Variants in ZMIZ1 observed in about 807,000 individuals in gnomAD.
ZMIZ1 encodes zinc finger MIZ domain-containing protein 1.
In ZMIZ1, 17 loss-of-function variants were observed where a neutral mutation model predicts 113.9. That is an observed-to-expected ratio of 0.15 (90% CI 0.10 to 0.22). The LOEUF (loss-of-function observed/expected upper bound fraction) is 0.22, where lower values mean the gene tolerates loss of function less well. Among genes scored for constraint, ZMIZ1 ranks in the 10% least tolerant of loss-of-function variants. ZMIZ1 has a pLI of 1.00. For missense variants in ZMIZ1, 1,059 were observed against 1,477.8 expected, an observed-to-expected ratio of 0.72 and a Z score of 4.65; for synonymous variants, 607 against 603.1, an observed-to-expected ratio of 1.01 and a Z score of -0.09.
chr10:79,073,589 C>T (rs576840834), intron 1 of ZMIZ1, among the ~76,000 whole-genome samples: 57 of 152,326 alleles, frequency 3.7e-4, no homozygotes, highest in Middle Eastern at 3.4e-3. Context: ...ACCATAGACT[C>T]GTTCTTTCCT....
At chr10:79,090,811 T>G (rs1276750542) in intron 1 of ZMIZ1, among the ~76,000 whole-genome samples, 1 of 152,234 alleles carries the variant, frequency 6.6e-6, no homozygotes, top group Non-Finnish European at 1.5e-5. Context: ...GCCAGGGATG[T>G]ATGTGCCCAG....
intron 1 of ZMIZ1, among the ~76,000 whole-genome samples, chr10:79,070,239 G>A (rs1842217879): frequency 6.6e-6 from 1 of 152,026 alleles, no homozygotes; most frequent in African/African-American, 2.4e-5. Context: ...GGCGTCTAGG[G>A]CGCGGGCAGC....
chr10:79,239,140 T>C (rs1849708882), intron 7 of ZMIZ1, among the ~76,000 whole-genome samples: 1 of 151,396 alleles, frequency 6.6e-6, no homozygotes, highest in Admixed American at 6.6e-5. Flanking sequence ...CATGAGAGTT[T>C]ATGCCCTGAC....
In ZMIZ1 at chr10:79,267,228, G is replaced by C. The variant is rs533779625; in HGVS notation, c.281-9953G>C. On this transcript the variant is annotated intron_variant, in intron 7 of 24. Transcript: ENST00000334512. ...TGCTAGGGGAGCACCCAGTCCAGTA[G>C]GGAAGGGGGCACTGTCTGCCCCAGG... is the stretch of plus-strand genomic sequence containing the variant. Among the ~76,000 whole-genome samples, 8 of 152,344 alleles carry C rather than the reference G, an allele frequency of 5.3e-5. No individual in the cohort carries two copies. The East Asian group carries it at 1.5e-3, about 29-fold the overall frequency.
chr10:79,218,759 G>A (rs1848842486), intron 7 of ZMIZ1, among the ~76,000 whole-genome samples: 1 of 152,154 alleles, frequency 6.6e-6, no homozygotes, highest in Non-Finnish European at 1.5e-5. Flanking sequence ...TGAAGAAAAA[G>A]AGAAAGAGCG....
rs368649619 is a variant in ZMIZ1 at position 79,150,261 on chromosome 10, C to T, written c.-131+10484C>T. On this transcript the variant is annotated intron_variant, in intron 3 of 24. Transcript: ENST00000334512. ...CCCAGACACCACCTTTGCCCCACCC[C>T]GTATTCTCTACGGCTGGCACTTCTC... Among the ~76,000 whole-genome samples the T allele has an allele frequency of 1.1e-4, 16 of 152,358 alleles. 1 individual carries two copies. The highest frequency in any genetic ancestry group is 9.6e-4 in the East Asian group (5 of 5,186).
chr10:79,247,255 C>T (rs1850262303), intron 7 of ZMIZ1, among the ~76,000 whole-genome samples: 1 of 152,208 alleles, frequency 6.6e-6, no homozygotes, highest in Non-Finnish European at 1.5e-5. Context: ...GTTTCCAGTC[C>T]TCTAGAGGGA....
intron 7 of ZMIZ1, among the ~76,000 whole-genome samples, chr10:79,227,380 GC>G (rs1360187716): frequency 6.6e-6 from 1 of 152,198 alleles, no homozygotes; most frequent in East Asian, 1.9e-4. Context: ...TTTTCCAGAA[GC>G]CATTCAGCTG....
At chr10:79,293,780 G>A (rs552394474) in intron 12 of ZMIZ1, 127 bp downstream of exon 12, 2 of 1,426,578 alleles carry the variant, frequency 1.4e-6, no homozygotes, top group South Asian at 1.2e-5. Context: ...AGAGGCAGGG[G>A]CTTAGGGGTC....
intron 4 of ZMIZ1, among the ~76,000 whole-genome samples, chr10:79,168,823 G>A (rs112986652): frequency 1.3e-4 from 20 of 152,280 alleles, no homozygotes; most frequent in East Asian, 9.7e-4. Flanking sequence ...ACAGGTGTCC[G>A]TCCACCCTGG....
intron 8 of ZMIZ1, among the ~76,000 whole-genome samples, chr10:79,277,572 C>T (rs1042185858): frequency 2.0e-5 from 3 of 152,216 alleles, no homozygotes; most frequent in African/African-American, 4.8e-5. Flanking sequence ...TCTGGCAGAA[C>T]GTTAGAAATT....
intron 23 of ZMIZ1, among the ~76,000 whole-genome samples, chr10:79,310,638 C>G (rs961873347): frequency 6.6e-6 from 1 of 152,050 alleles, no homozygotes; most frequent in African/African-American, 2.4e-5. Context: ...GGAGCCCAGG[C>G]CCAGCTCCCC....
At position 79,266,852 on chromosome 10, in the gene ZMIZ1, A is replaced by G. The variant is rs139155458; in HGVS notation, c.281-10329A>G. On this transcript the variant is annotated intron_variant, in intron 7 of 24. Transcript: ENST00000334512. ...CAGCCTCCAGCCGGGCAGAGTAACA[A>G]TTCTGCGGCTAGTTCTGTTCTCAGG... Among the ~76,000 whole-genome samples, 216 of 152,308 alleles carry G rather than the reference A, an allele frequency of 1.4e-3. 4 individuals are homozygous for G. The East Asian group carries it at 0.034, about 24-fold the overall frequency.
chr10:79,310,775 G>T, intron 23 of ZMIZ1, 149 bp from the exon 24 acceptor site: 1 of 939,974 alleles, frequency 1.1e-6, no homozygotes, highest in Non-Finnish European at 1.5e-6. Context: ...TTGTTTCTCT[G>T]CCCAGAAACA....
chr10:79,115,845 A>G (rs1323821047), intron 1 of ZMIZ1, among the ~76,000 whole-genome samples: 5 of 152,222 alleles, frequency 3.3e-5, no homozygotes, highest in Non-Finnish European at 7.3e-5. Context: ...TCAGTCACTC[A>G]GGGCTGATGG....
intron 2 of ZMIZ1, among the ~76,000 whole-genome samples, chr10:79,132,956 A>G (rs1227539409): frequency 6.6e-6 from 1 of 152,034 alleles, no homozygotes; most frequent in African/African-American, 2.4e-5. Context: ...CTGCCTCTTA[A>G]TGACCTGTCG....
intron 1 of ZMIZ1, among the ~76,000 whole-genome samples, chr10:79,092,146 T>C (rs1843001076): frequency 1.3e-5 from 2 of 152,150 alleles, no homozygotes; most frequent in African/African-American, 4.8e-5. Context: ...TGTGCCTCTG[T>C]CCTCAACCTG....
chr10:79,114,082 T>G (rs35273092), intron 1 of ZMIZ1, among the ~76,000 whole-genome samples: 1 of 152,116 alleles, frequency 6.6e-6, no homozygotes, highest in East Asian at 1.9e-4. Flanking sequence ...GTGCTGCCCC[T>G]CTGACTGCTG....
chr10:79,265,234 C>T (rs1288667636), intron 7 of ZMIZ1, among the ~76,000 whole-genome samples: 1 of 152,118 alleles, frequency 6.6e-6, no homozygotes, highest in Admixed American at 6.5e-5. Flanking sequence ...TCAGGCCAGA[C>T]TGGACCACAG....
Sources: allele counts gnomAD v4.1 joint callset (sites outside exome capture counted in the v4.1 genomes callset), GRCh38; gene constraint gnomAD v4.1.1; transcripts MANE v1.5; gene names NCBI Gene and HGNC (gene_info 2026-07-23, HGNC 2026-07-21).